The following METTL9 variants were observed in gnomAD, a reference collection of about 807,000 sequenced individuals.
METTL9 encodes the protein protein-L-histidine N-pros-methyltransferase.
METTL9 carries 10 observed loss-of-function variants against 36.0 expected under a neutral mutation model. The ratio of observed to expected loss-of-function variants is 0.28; its 90% CI spans 0.17 to 0.47. The LOEUF (loss-of-function observed/expected upper bound fraction) is 0.47, where lower values mean the gene tolerates loss of function less well. METTL9 is among the 20% of genes least tolerant of loss of function. The pLI is 0.99. For synonymous variants in METTL9, 175 were observed against 149.7 expected (o/e 1.17, Z -1.23); for missense variants, 246 against 383.5 (o/e 0.64, Z 3.00).
At chr16:21,627,402 A>T in intron 4 of METTL9, 1 of 984,390 alleles carries the variant, frequency 1.0e-6, no homozygotes, top group Non-Finnish European at 1.2e-6. Flanking sequence ...TGGAAAAAAA[A>T]TGAAAAAAAT....
chr16:21,608,470 T>C (rs1185204641), intron 1 of METTL9, among the ~76,000 whole-genome samples: 1 of 152,178 alleles, frequency 6.6e-6, no homozygotes, highest in African/African-American at 2.4e-5. Context: ...AGCGAGTCCA[T>C]CTTTTAATTC....
chr16:21,630,188 G>A (rs542826432), intron 4 of METTL9, among the ~76,000 whole-genome samples: 1 of 152,332 alleles, frequency 6.6e-6, no homozygotes, highest in African/African-American at 2.4e-5. Flanking sequence ...GGGACTTTGC[G>A]GCACCTAGCC....
At chr16:21,606,070 CTCACGCCT>C (rs2041242308) in intron 1 of METTL9, among the ~76,000 whole-genome samples, 1 of 152,132 alleles carries the variant, frequency 6.6e-6, no homozygotes, top group African/African-American at 2.4e-5. Context: ...GGTGCGGTGG[CTCACGCCT>C]GTAATCCCGG....
At position 21,612,848 on chromosome 16, in the gene METTL9, TG is replaced by T; in HGVS notation, c.356+15del. 6.4e-7 allele frequency: 1 copy of T among 1,558,792 alleles called. No individual in the cohort carries two copies. The highest frequency in any genetic ancestry group is 8.6e-7 in the Non-Finnish European group (1 of 1,156,402). ...CATCTATCAATGGGTAAGTGAATCTTGGACATTTATTTTTTTCTTTATCCTT... is the reference window on the plus strand; with the variant it reads ...CATCTATCAATGGGTAAGTGAATCTTGACATTTATTTTTTTCTTTATCCTT... On this transcript the variant is annotated intron_variant, in intron 2 of 4. Transcript: ENST00000358154.
intron 4 of METTL9, among the ~76,000 whole-genome samples, chr16:21,637,251 T>G (rs2141603253): frequency 6.6e-6 from 1 of 152,298 alleles, no homozygotes; most frequent in Middle Eastern, 3.4e-3. Context: ...TTCGTCCGTT[T>G]TGACAGAGCG....
intron 4 of METTL9, chr16:21,644,480 G>A (rs922428556): frequency 4.5e-5 from 42 of 930,368 alleles, no homozygotes; most frequent in Non-Finnish European, 6.6e-5. Context: ...TTCACACTGC[G>A]TTTTAGAGGT....
At chr16:21,643,323 T>C (rs574028025) in intron 4 of METTL9, among the ~76,000 whole-genome samples, 1 of 152,302 alleles carries the variant, frequency 6.6e-6, no homozygotes, top group African/African-American at 2.4e-5. Context: ...ACTTTAAATA[T>C]AATTTATGGT....
At chr16:21,651,304 G>A (rs1228622639) in intron 4 of METTL9, among the ~76,000 whole-genome samples, 1 of 152,062 alleles carries the variant, frequency 6.6e-6, no homozygotes, top group Non-Finnish European at 1.5e-5. Flanking sequence ...TATCTAGTAA[G>A]TAAGAAGTAA....
Position 21,599,882 on chromosome 16 carries a change from G to T in METTL9, c.149G>T (p.Arg50Met). 6.8e-6 allele frequency: 10 copies of T among 1,467,162 alleles called. No individual in the cohort carries two copies. Among genetic ancestry groups the T allele is most frequent in the Non-Finnish European group, 8.1e-6 (9 of 1,112,500 alleles). The allele number at this position is 1,467,162 out of a possible 1,614,324, so 90.9% of individuals were successfully genotyped here. The change falls in exon 1 of 5, where the codon AGG (arginine) becomes ATG (methionine). Residue 50 changes from arginine to methionine, a missense_variant. Arg to Met is a moderately conservative substitution (Grantham distance 91, BLOSUM62 -1). Coordinates refer to ENST00000358154, the MANE Select transcript of METTL9 (RefSeq NM_016025.5). This position sits in a 1 kb window ranked among gnomAD's most constrained non-coding sequence, Gnocchi z 4.4. The stretch of plus-strand genomic sequence containing the variant: ...GGGCCGGCGGCGGCCGCGGGCGGCA[G>T]GAAGGAGAACCACCAGGTACGGGCT... ...PGGPAAAAGG[R>M]KENHQWYVCN...
intron 3 of METTL9, among the ~76,000 whole-genome samples, chr16:21,623,869 C>T (rs558248461): frequency 6.6e-6 from 1 of 152,130 alleles, no homozygotes; most frequent in African/African-American, 2.4e-5. Flanking sequence ...CTCCCTGATT[C>T]AAGCGATTCT....
chr16:21,601,729 C>CTGTGTGTGTGTG (rs57264395), intron 1 of METTL9, among the ~76,000 whole-genome samples: 3 of 145,750 alleles, frequency 2.1e-5, no homozygotes, highest in Non-Finnish European at 4.5e-5. Flanking sequence ...TATTTATATT[C>CTGTGTGTGTGTG]TGTGTGTGTG....
chr16:21,617,512 G>A (rs1430647066), intron 2 of METTL9, among the ~76,000 whole-genome samples: 2 of 151,708 alleles, frequency 1.3e-5, no homozygotes, highest in African/African-American at 4.8e-5. Flanking sequence ...TAGATCACCT[G>A]AGGTCAGGAG....
intron 1 of METTL9, 22 bp from the exon 2 acceptor site, chr16:21,612,623 C>CCT: frequency 8.0e-7 from 1 of 1,249,894 alleles, no homozygotes; most frequent in South Asian, 2.4e-5. Flanking sequence ...AATTTTTGTT[C>CCT]TTTTTTTTTT....
At position 21,655,570 on chromosome 16, in the gene METTL9, A is replaced by G. The variant is rs1966686971; in HGVS notation, c.*138A>G. 1.4e-6 allele frequency: 1 copy of G among 708,958 alleles called. No homozygotes were observed. The highest frequency in any genetic ancestry group is 2.3e-6 in the Non-Finnish European group (1 of 429,696). The allele number at this position is 708,958 out of a possible 1,614,324, so 43.9% of individuals were successfully genotyped here. ...TATCATGTAGGAATTTAAAAAGCCAAAATACTAATTATTTCTTTGTAGTGT... is the reference window on the plus strand; with the variant it reads ...TATCATGTAGGAATTTAAAAAGCCAGAATACTAATTATTTCTTTGTAGTGT... On this transcript the variant is annotated 3_prime_UTR_variant, in exon 5 of 5. Coordinates refer to ENST00000358154, the MANE Select transcript of METTL9 (RefSeq NM_016025.5).
chr16:21,634,492 G>A (rs890292576), intron 4 of METTL9, among the ~76,000 whole-genome samples: 8 of 152,114 alleles, frequency 5.3e-5, no homozygotes, highest in Admixed American at 5.2e-4. Flanking sequence ...AGCCCTACCG[G>A]GTGATTGACC....
intron 4 of METTL9, among the ~76,000 whole-genome samples, chr16:21,642,813 G>A (rs897766297): frequency 2.0e-5 from 3 of 152,120 alleles, no homozygotes; most frequent in African/African-American, 7.2e-5. Flanking sequence ...TGTCTGTATT[G>A]AAAACATTGC....
intron 3 of METTL9, among the ~76,000 whole-genome samples, chr16:21,620,154 T>C (rs1965659374): frequency 1.3e-5 from 2 of 152,202 alleles, no homozygotes; most frequent in Admixed American, 1.3e-4. Flanking sequence ...TCGACCTTCC[T>C]AGCTTGAACT....
At chr16:21,617,541 G>A (rs1018261574) in intron 2 of METTL9, among the ~76,000 whole-genome samples, 26 of 150,786 alleles carry the variant, frequency 1.7e-4, no homozygotes, top group African/African-American at 6.1e-4. Flanking sequence ...CAACCTGGCC[G>A]ACATGGTGAA....
intron 1 of METTL9, among the ~76,000 whole-genome samples, chr16:21,605,256 T>TC: frequency 8.9e-6 from 1 of 112,700 alleles, no homozygotes; most frequent in Non-Finnish European, 1.8e-5. Flanking sequence ...AGGCTTGCCT[T>TC]CTTTTTTTTT....
Sources: allele counts gnomAD v4.1 joint callset (sites outside exome capture counted in the v4.1 genomes callset), GRCh38; gene constraint gnomAD v4.1.1; non-coding constraint Gnocchi (gnomAD v3.1); transcripts MANE v1.5; gene names NCBI Gene and HGNC (gene_info 2026-07-23, HGNC 2026-07-21).